The following AAMDC variants were observed in gnomAD, a reference collection of about 807,000 sequenced individuals.
AAMDC encodes the protein adipogenesis associated Mth938 domain containing.
A neutral mutation model predicts 15.5 loss-of-function variants in AAMDC; 16 were observed. The ratio of observed to expected loss-of-function variants is 1.03; its 90% CI spans 0.70 to 1.57. The LOEUF (loss-of-function observed/expected upper bound fraction) is 1.57. AAMDC is among the 40% of genes most tolerant of loss of function. The probability of loss-of-function intolerance (pLI) is 0.00; values close to 1 mark genes in which losing one functional copy is unlikely to be tolerated. For synonymous variants in AAMDC, 51 were observed against 51.6 expected, an observed-to-expected ratio of 0.99 and a Z score of 0.05; for missense variants, 141 against 144.9, an observed-to-expected ratio of 0.97 and a Z score of 0.14.
At chr11:77,887,608 A>G (rs573208928) in intron 5 of AAMDC, among the ~76,000 whole-genome samples, 69 of 152,306 alleles carry the variant, frequency 4.5e-4, no homozygotes, top group African/African-American at 1.6e-3. Context: ...AGGGTATTCA[A>G]TTAGGAAAAG....
downstream of AAMDC, among the ~76,000 whole-genome samples, chr11:77,875,709 G>C (rs546190278): frequency 3.7e-4 from 57 of 152,292 alleles, no homozygotes; most frequent in Non-Finnish European, 7.6e-4. Flanking sequence ...ATAGGAGGCT[G>C]TGGGAACATA....
intron 1 of AAMDC, among the ~76,000 whole-genome samples, chr11:77,828,669 C>T (rs1423992180): frequency 2.8e-4 from 35 of 126,278 alleles, no homozygotes; most frequent in Admixed American, 2.7e-3. Flanking sequence ...GACTCCATCT[C>T]GAAAAAAAAA....
intron 5 of AAMDC, among the ~76,000 whole-genome samples, chr11:77,899,585 G>A (rs1188276588): frequency 5.9e-5 from 9 of 151,864 alleles, no homozygotes; most frequent in African/African-American, 1.5e-4. Flanking sequence ...CAGGAGAATC[G>A]CTTGAACCCA....
In AAMDC at chr11:77,842,516, C is replaced by A. The variant is rs745446522; in HGVS notation, c.20C>A (p.Ala7Asp). Residue 7 changes from alanine to aspartate, a missense_variant, in exon 2 of 4, where the codon GCT becomes GAT. Coordinates refer to ENST00000393427, the MANE Select transcript of AAMDC (RefSeq NM_024684.4). Reference protein sequence around the residue: MTSPEIASLSWGQMKVK... With the variant: MTSPEIDSLSWGQMKVK... The stretch of plus-strand genomic sequence containing the variant: ...TTCCTTATGACTTCCCCTGAAATTG[C>A]TTCCTTATCATGGGGGCAAATGAAA... The A allele has an allele frequency of 6.2e-7, 1 of 1,613,878 alleles. No homozygotes were observed. The highest frequency in any genetic ancestry group is 8.5e-7 in the Non-Finnish European group (1 of 1,179,968).
chr11:77,849,645 G>GT (rs568550138), intron 2 of AAMDC, among the ~76,000 whole-genome samples: 40 of 150,934 alleles, frequency 2.7e-4, no homozygotes, highest in South Asian at 6.3e-4. Flanking sequence ...TTTTTTGTGT[G>GT]TTTTTTTTTA....
At chr11:77,887,863 C>A (rs530329761) in intron 5 of AAMDC, among the ~76,000 whole-genome samples, 1 of 152,166 alleles carries the variant, frequency 6.6e-6, no homozygotes, top group Non-Finnish European at 1.5e-5. Context: ...ATCCAACTTA[C>A]AAGAGATGTG....
chr11:77,895,867 A>T (rs1358396434), intron 5 of AAMDC, among the ~76,000 whole-genome samples: 1 of 152,194 alleles, frequency 6.6e-6, no homozygotes, highest in Non-Finnish European at 1.5e-5. Flanking sequence ...GGCCTCTAAG[A>T]ACTCCTACTT....
Position 77,840,106 on chromosome 11 carries a change from A to G in AAMDC, c.-18-2373A>G, listed in dbSNP as rs991735870. Among the ~76,000 whole-genome samples the G allele has an allele frequency of 2.2e-3, 341 of 152,172 alleles. 2 individuals are homozygous for G. The highest frequency in any genetic ancestry group is 9.0e-3 in the Admixed American group (138 of 15,280). ...GGAGAGGGGGACAGTAAACACACACACACACACACACACAACACCCAGGGA... is the reference window on the plus strand; with the variant it reads ...GGAGAGGGGGACAGTAAACACACACGCACACACACACACAACACCCAGGGA... On this transcript the variant is annotated intron_variant, in intron 1 of 3. Transcript: ENST00000393427.
chr11:77,872,487 C>G, downstream of AAMDC: 1 of 638,298 alleles, frequency 1.6e-6, no homozygotes, highest in Non-Finnish European at 2.4e-6. Flanking sequence ...CTTGAGGGTG[C>G]TAAAAGAAAA....
intron 5 of AAMDC, among the ~76,000 whole-genome samples, chr11:77,891,160 C>T (rs1393649758): frequency 2.0e-5 from 3 of 152,204 alleles, no homozygotes; most frequent in African/African-American, 7.2e-5. Flanking sequence ...CCACACTCAG[C>T]AGTAGTTGAG....
rs201555674 is a variant in AAMDC, at chr11:77,893,940, G to C, written c.329-6631G>C. Among the ~76,000 whole-genome samples the C allele has an allele frequency of 8.2e-5, 10 of 122,670 alleles. No individual in the cohort carries two copies. The East Asian group carries it at 2.2e-3, about 27-fold the overall frequency. 80.5% of individuals were successfully genotyped at this position (122,670 alleles called of 152,430 possible). On this transcript the variant is annotated intron_variant, in intron 5 of 5. Transcript: ENST00000304716. Reference sequence around the variant, plus strand: ...ATAAATAAATAAGAATGGTGTGAACGAACAGTGTTGAAAAAAACAGATGAC... The same window carrying C: ...ATAAATAAATAAGAATGGTGTGAACCAACAGTGTTGAAAAAAACAGATGAC...
intron 5 of AAMDC, among the ~76,000 whole-genome samples, chr11:77,893,593 A>G (rs1467171480): frequency 6.6e-6 from 1 of 152,178 alleles, no homozygotes; most frequent in African/African-American, 2.4e-5. Flanking sequence ...ACCCTGTCTC[A>G]AAAAATAATA....
chr11:77,896,589 T>C (rs1212947617), intron 5 of AAMDC, among the ~76,000 whole-genome samples: 4 of 146,698 alleles, frequency 2.7e-5, no homozygotes, highest in Admixed American at 2.7e-4. Context: ...GAGGTGGAGG[T>C]TGTGGGGAGC....
chr11:77,893,722 G>A (rs1386357871), intron 5 of AAMDC, among the ~76,000 whole-genome samples: 1 of 151,792 alleles, frequency 6.6e-6, no homozygotes, highest in Non-Finnish European at 1.5e-5. Context: ...ATGAAACCCC[G>A]TCTCTACTAA....
chr11:77,872,112 G>A, intron 3 of AAMDC, 63 bp from the exon 4 acceptor site: 7 of 1,537,484 alleles, frequency 4.6e-6, no homozygotes, highest in Non-Finnish European at 5.3e-6. Context: ...CTGCCTCATG[G>A]CAGTAAAGGA....
intron 5 of AAMDC, chr11:77,891,717 T>A: frequency 1.9e-6 from 3 of 1,612,018 alleles, no homozygotes; most frequent in Non-Finnish European, 2.5e-6. Context: ...AGGCACTCTG[T>A]CGCAGCATGG....
intron 2 of AAMDC, among the ~76,000 whole-genome samples, chr11:77,856,828 A>G (rs1351726104): frequency 6.6e-6 from 1 of 152,216 alleles, no homozygotes; most frequent in Non-Finnish European, 1.5e-5. Context: ...TTACAATTCG[A>G]CATGAGATTT....
chr11:77,891,219 C>T, intron 5 of AAMDC: 1 of 1,099,918 alleles, frequency 9.1e-7, no homozygotes, highest in Non-Finnish European at 1.3e-6. Context: ...TCTCCTGTCC[C>T]AGTTTCTGTC....
chr11:77,845,333 A>G (rs1255472846), intron 2 of AAMDC, among the ~76,000 whole-genome samples: 2 of 151,548 alleles, frequency 1.3e-5, no homozygotes, highest in Middle Eastern at 3.2e-3. Context: ...CAATTGACCT[A>G]TTTTCAATTT....
Sources: gnomAD v4.1 joint callset for allele counts (sites outside exome capture counted in the v4.1 genomes callset) on GRCh38, gnomAD v4.1.1 for gene constraint, MANE v1.5 for transcripts, NCBI Gene and HGNC (gene_info 2026-07-23, HGNC 2026-07-21) for gene names.